NELL1: variants seen among roughly 807,000 people sequenced by gnomAD.
The protein encoded by NELL1 is protein kinase C-binding protein NELL1.
A neutral mutation model predicts 107.4 loss-of-function variants in NELL1; 76 were observed. The ratio of observed to expected loss-of-function variants is 0.71; its 90% CI spans 0.59 to 0.86. The LOEUF (loss-of-function observed/expected upper bound fraction) is 0.86, where lower values mean the gene tolerates loss of function less well. Among genes scored for constraint, NELL1 ranks in the 40% least tolerant of loss-of-function variants. The probability of loss-of-function intolerance (pLI) is 0.00; values close to 1 mark genes in which losing one functional copy is unlikely to be tolerated. For missense variants in NELL1, 1,024 were observed against 1,005.5 expected (o/e 1.02, Z -0.25); for synonymous variants, 353 against 341.2 (o/e 1.03, Z -0.38).
intron 12 of NELL1, among the ~76,000 whole-genome samples, chr11:21,043,867 G>C (rs1853296133): frequency 6.6e-6 from 1 of 152,130 alleles, no homozygotes; most frequent in African/African-American, 2.4e-5. Flanking sequence ...CGCAGATAAT[G>C]GAGTCACTTT....
chr11:21,212,309 T>C (rs1352350291), intron 13 of NELL1, among the ~76,000 whole-genome samples: 2 of 152,208 alleles, frequency 1.3e-5, no homozygotes, highest in African/African-American at 2.4e-5. Context: ...AGTATGAGCA[T>C]AATAAATGTT....
chr11:21,430,328 ACT>A (rs1852933919), intron 15 of NELL1, among the ~76,000 whole-genome samples: 1 of 151,938 alleles, frequency 6.6e-6, no homozygotes, highest in Non-Finnish European at 1.5e-5. Context: ...TTGGCTAAAG[ACT>A]CTTTCTATAT....
chr11:21,374,149 T>C (rs1304344973), intron 15 of NELL1, among the ~76,000 whole-genome samples: 1 of 152,134 alleles, frequency 6.6e-6, no homozygotes, highest in Non-Finnish European at 1.5e-5. Flanking sequence ...TATGTAAGAC[T>C]AAGTTTTCTA....
At chr11:20,950,092 A>G (rs919207553) in intron 11 of NELL1, among the ~76,000 whole-genome samples, 1 of 152,130 alleles carries the variant, frequency 6.6e-6, no homozygotes, top group African/African-American at 2.4e-5. Context: ...GATTTCTTCT[A>G]TATTACTCCC....
intron 2 of NELL1, among the ~76,000 whole-genome samples, chr11:20,719,222 C>T (rs1855320931): frequency 6.6e-6 from 1 of 152,202 alleles, no homozygotes; most frequent in Admixed American, 6.5e-5. Context: ...TGGCCTTTCT[C>T]TAGGGAGGAC....
At position 21,374,227 on chromosome 11, in the gene NELL1, A is replaced by G. The variant is rs115007311; in HGVS notation, c.1645+3279A>G. On this transcript the variant is annotated intron_variant, in intron 15 of 19. Transcript: ENST00000357134. ...AAATGTTTATTATCTCATAGTTTCT[A>G]TGGTTTGAAATTTGAGAGCAGCTTA... Among the ~76,000 whole-genome samples, 738 of 151,774 alleles carry G rather than the reference A, an allele frequency of 4.9e-3. 9 individuals carry two copies. Among genetic ancestry groups the G allele is most frequent in the African/African-American group, 0.017 (701 of 41,386 alleles).
intron 2 of NELL1, among the ~76,000 whole-genome samples, chr11:20,755,423 G>A (rs1356348672): frequency 6.6e-6 from 1 of 152,078 alleles, no homozygotes; most frequent in Non-Finnish European, 1.5e-5. Context: ...AAAACTGAAA[G>A]GATGGAATTT....
chr11:20,915,811 A>C (rs1167933697), intron 5 of NELL1, among the ~76,000 whole-genome samples: 1 of 148,520 alleles, frequency 6.7e-6, no homozygotes, highest in Non-Finnish European at 1.5e-5. Context: ...TATGAAGGAA[A>C]CTACATGCTT....
chr11:21,284,385 T>C (rs1456975553), intron 14 of NELL1: 2 of 457,132 alleles, frequency 4.4e-6, no homozygotes, highest in Non-Finnish European at 8.8e-6. Context: ...TCTTTGTGCA[T>C]TGCTGAATAT....
intron 5 of NELL1, among the ~76,000 whole-genome samples, chr11:20,886,347 TAA>T (rs1389316596): frequency 6.6e-6 from 1 of 152,172 alleles, no homozygotes; most frequent in Non-Finnish European, 1.5e-5. Flanking sequence ...CATGAAATTT[TAA>T]GACAGTCTTG....
At chr11:21,276,195 C>T (rs1176790178) in intron 14 of NELL1, among the ~76,000 whole-genome samples, 2 of 152,198 alleles carry the variant, frequency 1.3e-5, no homozygotes, top group Non-Finnish European at 2.9e-5. Context: ...TAGGCAACTT[C>T]AGCAAAGTCT....
At chr11:21,017,382 A>C (rs921892182) in intron 12 of NELL1, among the ~76,000 whole-genome samples, 1 of 152,016 alleles carries the variant, frequency 6.6e-6, no homozygotes. Context: ...AAAATAAGTG[A>C]CTTTGTTGCT....
intron 12 of NELL1, among the ~76,000 whole-genome samples, chr11:21,028,328 G>A (rs574366770): frequency 6.6e-6 from 1 of 152,238 alleles, no homozygotes; most frequent in Admixed American, 6.5e-5. Context: ...CTCTGGGCTG[G>A]GTGGGAAGAG....
In NELL1 at chr11:20,945,519, T is replaced by A. The variant is rs539768320; in HGVS notation, c.1072-1817T>A. On this transcript the variant is annotated intron_variant, in intron 10 of 19. Coordinates refer to ENST00000357134, the MANE Select transcript of NELL1 (RefSeq NM_006157.5). The stretch of plus-strand genomic sequence containing the variant: ...ATTGATAAACCTAGAGGTGCGCACA[T>A]AGAGCTGACAAAAGGATTCAACAGT... Among the ~76,000 whole-genome samples the A allele has an allele frequency of 3.3e-5, 5 of 152,338 alleles. No homozygotes were observed. In the South Asian group the frequency reaches 6.2e-4, roughly 19 times the overall value.
chr11:21,002,463 T>C (rs1328344688), intron 12 of NELL1, among the ~76,000 whole-genome samples: 1 of 152,140 alleles, frequency 6.6e-6, no homozygotes, highest in African/African-American at 2.4e-5. Context: ...TCTGGACAGA[T>C]TACTACTTTC....
intron 15 of NELL1, among the ~76,000 whole-genome samples, chr11:21,442,833 T>C (rs1853318254): frequency 6.6e-6 from 1 of 151,530 alleles, no homozygotes; most frequent in Non-Finnish European, 1.5e-5. Flanking sequence ...GCCAAAAGTG[T>C]AAACACAATG....
chr11:21,384,430 T>G (rs1851687463), intron 15 of NELL1, among the ~76,000 whole-genome samples: 2 of 148,744 alleles, frequency 1.3e-5, no homozygotes, highest in Non-Finnish European at 3.0e-5. Context: ...TTCTTGATTT[T>G]CTTTTTTTTT....
intron 15 of NELL1, among the ~76,000 whole-genome samples, chr11:21,516,951 G>C (rs1381423825): frequency 6.6e-6 from 1 of 151,762 alleles, no homozygotes; most frequent in African/African-American, 2.4e-5. Context: ...CACCACACCA[G>C]GCTAATTTTT....
At chr11:21,319,517 T>TA (rs1565165681) in intron 14 of NELL1, among the ~76,000 whole-genome samples, 33 of 145,180 alleles carry the variant, frequency 2.3e-4, no homozygotes, top group East Asian at 2.1e-3. Flanking sequence ...TATATATATA[T>TA]TTTTAGTAGA....
Sources: allele counts gnomAD v4.1 joint callset (sites outside exome capture counted in the v4.1 genomes callset), GRCh38; gene constraint gnomAD v4.1.1; transcripts MANE v1.5; gene names NCBI Gene and HGNC (gene_info 2026-07-23, HGNC 2026-07-21).